Variants in FBXL7 observed in about 807,000 individuals in gnomAD.
FBXL7 encodes F-box/LRR-repeat protein 7.
Under a neutral mutation model 38.3 loss-of-function variants are expected in FBXL7, and 12 were observed. That is an observed-to-expected ratio of 0.31 (90% confidence interval 0.20 to 0.51). The LOEUF (loss-of-function observed/expected upper bound fraction) is 0.51. Among genes scored for constraint, FBXL7 ranks in the 20% least tolerant of loss-of-function variants. FBXL7 has a pLI of 0.98. For missense variants in FBXL7, 567 were observed against 676.4 expected (o/e 0.84, Z 1.79); for synonymous variants, 297 against 300.9 (o/e 0.99, Z 0.13).
At chr5:15,750,311 A>G (rs1427549810) in intron 2 of FBXL7, among the ~76,000 whole-genome samples, 1 of 152,232 alleles carries the variant, frequency 6.6e-6, no homozygotes, top group African/African-American at 2.4e-5. Context: ...GATAGTAGTG[A>G]CCTGGTTTAA....
chr5:15,640,818 C>T (rs1185300870), intron 2 of FBXL7, among the ~76,000 whole-genome samples: 1 of 152,202 alleles, frequency 6.6e-6, no homozygotes, highest in Non-Finnish European at 1.5e-5. Flanking sequence ...GCCACCGTGC[C>T]TGGCCGGGGT....
At chr5:15,556,010 T>TATCTATCTATCTATC (rs1554005551) in intron 1 of FBXL7, among the ~76,000 whole-genome samples, 1,124 of 99,594 alleles carry the variant, frequency 0.011, 5 homozygotes, top group South Asian at 0.022. Flanking sequence ...TCTATCTATC[T>TATCTATCTATCTATC]ATCTATCATC....
chr5:15,760,807 A>G lies in FBXL7; in HGVS notation c.127+144735A>G, dbSNP rs1390988826. Among the ~76,000 whole-genome samples, 5 of 152,170 alleles carry G rather than the reference A, an allele frequency of 3.3e-5. No homozygotes were observed. The East Asian group carries it at 7.7e-4, about 23-fold the overall frequency. ...AAGTAGTAGTAATGAGGACAAACTTAACTCTTAAGTCATTGATTATTTGGA... is the reference window on the plus strand; with the variant it reads ...AAGTAGTAGTAATGAGGACAAACTTGACTCTTAAGTCATTGATTATTTGGA... On this transcript the variant is annotated intron_variant, in intron 2 of 3. Transcript: ENST00000504595.
intron 2 of FBXL7, among the ~76,000 whole-genome samples, chr5:15,923,489 A>G (rs1409780739): frequency 6.6e-6 from 1 of 152,206 alleles, no homozygotes; most frequent in Non-Finnish European, 1.5e-5. Context: ...TTTATCCATA[A>G]CAAAATTTAT....
intron 1 of FBXL7, among the ~76,000 whole-genome samples, chr5:15,560,537 CTT>C (rs1242636942): frequency 6.6e-6 from 1 of 152,170 alleles, no homozygotes; most frequent in African/African-American, 2.4e-5. Flanking sequence ...GAATTAATCT[CTT>C]TTCAGGTGCA....
intron 2 of FBXL7, among the ~76,000 whole-genome samples, chr5:15,841,348 T>G (rs1373612076): frequency 6.6e-6 from 1 of 152,160 alleles, no homozygotes; most frequent in Non-Finnish European, 1.5e-5. Flanking sequence ...TTTTAAAATG[T>G]CCCTCCATTT....
intron 2 of FBXL7, among the ~76,000 whole-genome samples, chr5:15,704,180 C>T (rs927181521): frequency 1.3e-5 from 2 of 152,172 alleles, no homozygotes; most frequent in African/African-American, 4.8e-5. Flanking sequence ...GTGCACAGGC[C>T]ACTCTTCAAG....
At chr5:15,685,960 CA>C (rs1743003044) in intron 2 of FBXL7, among the ~76,000 whole-genome samples, 2 of 152,186 alleles carry the variant, frequency 1.3e-5, no homozygotes, top group Non-Finnish European at 2.9e-5. Context: ...AGCAGATACA[CA>C]AACATAGAAC....
chr5:15,670,051 A>T (rs961193155), intron 2 of FBXL7, among the ~76,000 whole-genome samples: 11 of 152,144 alleles, frequency 7.2e-5, no homozygotes, highest in African/African-American at 2.7e-4. Flanking sequence ...TGCCATCAAG[A>T]TAGTATGTAG....
intron 2 of FBXL7, among the ~76,000 whole-genome samples, chr5:15,721,567 C>T (rs780648663): frequency 5.9e-5 from 9 of 151,946 alleles, no homozygotes; most frequent in Non-Finnish European, 5.9e-5. Context: ...GCATCATCCT[C>T]GAGTCTCTAT....
At chr5:15,594,355 G>GT (rs1739559968) in intron 1 of FBXL7, among the ~76,000 whole-genome samples, 1 of 152,224 alleles carries the variant, frequency 6.6e-6, no homozygotes, top group Admixed American at 6.5e-5. Context: ...GGTTAAAAGT[G>GT]TATCTGTTCT....
chr5:15,784,048 G>A (rs1366877746), intron 2 of FBXL7, among the ~76,000 whole-genome samples: 1 of 152,184 alleles, frequency 6.6e-6, no homozygotes, highest in Non-Finnish European at 1.5e-5. Flanking sequence ...GGCAGTGACT[G>A]TTTCCCTGGC....
intron 2 of FBXL7, among the ~76,000 whole-genome samples, chr5:15,764,994 T>C (rs564697442): frequency 6.6e-6 from 1 of 152,302 alleles, no homozygotes; most frequent in African/African-American, 2.4e-5. Flanking sequence ...AAATTCAACA[T>C]ATAATAATGT....
At chr5:15,894,262 A>C (rs1442729861) in intron 2 of FBXL7, among the ~76,000 whole-genome samples, 1 of 152,252 alleles carries the variant, frequency 6.6e-6, no homozygotes, top group Admixed American at 6.5e-5. Context: ...ACTCTGTCTC[A>C]AAAACAAAAC....
chr5:15,914,971 A>G (rs945175946), intron 2 of FBXL7, among the ~76,000 whole-genome samples: 3 of 152,236 alleles, frequency 2.0e-5, no homozygotes, highest in African/African-American at 4.8e-5. Context: ...AAATATTAAT[A>G]ATTCAGCCTT....
At chr5:15,785,223 G>A (rs367929601) in intron 2 of FBXL7, among the ~76,000 whole-genome samples, 17 of 152,274 alleles carry the variant, frequency 1.1e-4, no homozygotes, top group African/African-American at 2.9e-4. Context: ...CTGACCAAAC[G>A]GCTGTCGAGG....
At chr5:15,625,722 T>C (rs1740793039) in intron 2 of FBXL7, among the ~76,000 whole-genome samples, 1 of 152,090 alleles carries the variant, frequency 6.6e-6, no homozygotes, top group Non-Finnish European at 1.5e-5. Flanking sequence ...AACTGAGCCA[T>C]GGAATTTTTC....
intron 2 of FBXL7, among the ~76,000 whole-genome samples, chr5:15,884,249 C>CTTCTTTCTTTCTTTCTTTCT (rs58115981): frequency 1.5e-4 from 22 of 150,480 alleles, no homozygotes; most frequent in African/African-American, 4.4e-4. Context: ...ATCAGGGAAT[C>CTTCTTTCTTTCTTTCTTTCT]TTCTTTCTTT....
At chr5:15,587,235 C>T (rs77261664) in intron 1 of FBXL7, among the ~76,000 whole-genome samples, 1,760 of 152,280 alleles carry the variant, frequency 0.012, 26 homozygotes, top group African/African-American at 0.039. Context: ...TGGAATGCAC[C>T]TGGCTGATGC....
Sources: allele counts gnomAD v4.1 joint callset (sites outside exome capture counted in the v4.1 genomes callset), GRCh38; gene constraint gnomAD v4.1.1; transcripts MANE v1.5; gene names NCBI Gene and HGNC (gene_info 2026-07-23, HGNC 2026-07-21).